SHISAL1: variants seen among roughly 807,000 people sequenced by gnomAD.
The protein encoded by SHISAL1 is protein shisa-like-1.
A neutral mutation model predicts 22.6 loss-of-function variants in SHISAL1; 9 were observed. The ratio of observed to expected loss-of-function variants is 0.40; its 90% confidence interval spans 0.24 to 0.70. The LOEUF (loss-of-function observed/expected upper bound fraction) is 0.70, where lower values mean the gene tolerates loss of function less well. Ranked by LOEUF, SHISAL1 falls within the 30% of genes least tolerant of loss-of-function variation. The pLI, the probability that SHISAL1 is intolerant of heterozygous loss-of-function variation, is 0.39. For synonymous variants in SHISAL1, 119 were observed against 115.4 expected, an observed-to-expected ratio of 1.03 and a Z score of -0.20; for missense variants, 246 against 270.6, an observed-to-expected ratio of 0.91 and a Z score of 0.64.
At chr22:44,258,085 A>G (rs2055097187) in intron 4 of SHISAL1, among the ~76,000 whole-genome samples, 1 of 152,142 alleles carries the variant, frequency 6.6e-6, no homozygotes, top group Non-Finnish European at 1.5e-5. Context: ...GGTTGCGGTG[A>G]GCTGAGATCA....
chr22:44,275,528 T>A (rs1165927072), intron 4 of SHISAL1, among the ~76,000 whole-genome samples: 1 of 152,180 alleles, frequency 6.6e-6, no homozygotes, highest in Non-Finnish European at 1.5e-5. Context: ...GGGTGAGGCC[T>A]ACCTTGCACA....
At chr22:44,285,309 A>G in intron 4 of SHISAL1, 119 bp downstream of exon 4, 4 of 1,121,448 alleles carry the variant, frequency 3.6e-6, no homozygotes, top group Non-Finnish European at 5.2e-6. Flanking sequence ...AAACAACAAG[A>G]TAAGCAAACA....
At chr22:44,263,283 C>G (rs560596969) in intron 4 of SHISAL1, among the ~76,000 whole-genome samples, 2 of 152,114 alleles carry the variant, frequency 1.3e-5, no homozygotes, top group East Asian at 3.9e-4. Context: ...GTTGGCTAGG[C>G]TGGTCTCGAA....
At chr22:44,254,279 A>G (rs1221588381) in intron 4 of SHISAL1, among the ~76,000 whole-genome samples, 2 of 152,252 alleles carry the variant, frequency 1.3e-5, no homozygotes, top group Non-Finnish European at 2.9e-5. Flanking sequence ...TACAGTAGCA[A>G]TAAGTAAATG....
rs990998295 is a variant in SHISAL1 at position 44,245,789 on chromosome 22, C to T, written c.*3896G>A. On this transcript the variant is annotated 3_prime_UTR_variant, in exon 5 of 5. Transcript: ENST00000381176. Reference sequence around the variant, plus strand: ...TCCTGGCCAAAGAAGCCTGTTAACCCCTAGCCCTGTCATGTTTTCCCTGAC... The same window carrying T: ...TCCTGGCCAAAGAAGCCTGTTAACCTCTAGCCCTGTCATGTTTTCCCTGAC... 6.6e-6 allele frequency: 1 copy of T among 152,274 alleles called. No homozygotes were observed. Among genetic ancestry groups the T allele is most frequent in the African/African-American group, 2.4e-5 (1 of 41,456 alleles). The allele number at this position is 152,274 out of a possible 1,614,324, so 9.4% of individuals were successfully genotyped here.
chr22:44,261,005 A>AG (rs1451542588), intron 4 of SHISAL1, among the ~76,000 whole-genome samples: 1 of 150,022 alleles, frequency 6.7e-6, no homozygotes, highest in Non-Finnish European at 1.5e-5. Context: ...GGGCATGCTG[A>AG]GGGCCTCTAT....
At chr22:44,311,267 A>G (rs1336370914) in intron 1 of SHISAL1, among the ~76,000 whole-genome samples, 1 of 152,208 alleles carries the variant, frequency 6.6e-6, no homozygotes, top group Non-Finnish European at 1.5e-5. Flanking sequence ...TCTCAGGGTC[A>G]GGGCCACGAG....
chr22:44,318,252 C>A, the SHISAL1 span, among the ~76,000 whole-genome samples: 6 of 152,258 alleles, frequency 3.9e-5, no homozygotes, highest in Non-Finnish European at 8.8e-5. Context: ...TGCTAAACTG[C>A]GTAGCATCGG....
chr22:44,258,756 C>A (rs1415264837), intron 4 of SHISAL1, among the ~76,000 whole-genome samples: 1 of 152,180 alleles, frequency 6.6e-6, no homozygotes. Flanking sequence ...AGAGGTCTTG[C>A]ACATATAATG....
chr22:44,296,682 A>G lies in SHISAL1; in HGVS notation c.271T>C (p.Tyr91His). 6.2e-7 allele frequency: 1 copy of G among 1,613,596 alleles called. No individual in the cohort carries two copies. The highest frequency in any genetic ancestry group is 2.2e-5 in the East Asian group (1 of 44,882). The change falls in exon 3 of 5, where the codon TAC becomes CAC. Residue 91 changes from tyrosine to histidine, a missense_variant. Physicochemically the swap from Tyr to His is moderately conservative, Grantham distance 83. Coordinates refer to ENST00000381176, the MANE Select transcript of SHISAL1 (RefSeq NM_001099294.2). Reference sequence around the variant, plus strand: ...CAGAGTGGCACTCACTTGTGCATGTAACCCTCGGAGCTGGCCGTGAGGTTC... The same window carrying G: ...CAGAGTGGCACTCACTTGTGCATGTGACCCTCGGAGCTGGCCGTGAGGTTC... ...QANLTASSEG[Y>H]MHNNYTALLG...
At chr22:44,327,458 C>T in the SHISAL1 span, among the ~76,000 whole-genome samples, 1 of 152,046 alleles carries the variant, frequency 6.6e-6, no homozygotes, top group Non-Finnish European at 1.5e-5. Context: ...GAGGAAGGGG[C>T]TCATGATAAC....
intron 3 of SHISAL1, among the ~76,000 whole-genome samples, chr22:44,288,790 T>A (rs1435163917): frequency 1.3e-5 from 2 of 152,220 alleles, no homozygotes; most frequent in Admixed American, 6.5e-5. Context: ...TTAGCCCAGA[T>A]ATCGCCTCCT....
intron 3 of SHISAL1, among the ~76,000 whole-genome samples, chr22:44,288,422 G>A (rs1269969833): frequency 6.6e-6 from 1 of 152,070 alleles, no homozygotes; most frequent in Non-Finnish European, 1.5e-5. Flanking sequence ...GGATCACAAG[G>A]TCAGGAGATC....
At chr22:44,291,103 C>T (rs999367086) in intron 3 of SHISAL1, among the ~76,000 whole-genome samples, 13 of 152,212 alleles carry the variant, frequency 8.5e-5, no homozygotes, top group African/African-American at 2.9e-4. Flanking sequence ...AGCAAAAATG[C>T]TGTGGCCACT....
At chr22:44,294,339 C>G (rs1237178796) in intron 3 of SHISAL1, among the ~76,000 whole-genome samples, 5 of 152,324 alleles carry the variant, frequency 3.3e-5, no homozygotes, top group South Asian at 2.1e-4. Flanking sequence ...AGACTTGGAA[C>G]AGGCGGCTTC....
At chr22:44,316,862 C>T (rs139872374), upstream of SHISAL1, among the ~76,000 whole-genome samples, 115 of 152,294 alleles carry the variant, frequency 7.6e-4, no homozygotes, top group East Asian at 0.02. Context: ...GATTATGGGG[C>T]GGGCAGGAGG....
chr22:44,245,681 C>T lies in SHISAL1; in HGVS notation c.*4004G>A, dbSNP rs2054993908. On this transcript the variant is annotated 3_prime_UTR_variant, in exon 5 of 5. Coordinates refer to ENST00000381176, the MANE Select transcript of SHISAL1 (RefSeq NM_001099294.2). ...CAGCGGCCTGTGGGGGAGTCAGTGC[C>T]AAGCACAGCCACACCCACAGCCCTG... is the stretch of plus-strand genomic sequence containing the variant. The T allele has an allele frequency of 6.6e-6, 1 of 152,220 alleles. No individual in the cohort carries two copies. Among genetic ancestry groups the T allele is most frequent in the African/African-American group, 2.4e-5 (1 of 41,438 alleles). The allele number at this position is 152,220 out of a possible 1,614,324, so 9.4% of individuals were successfully genotyped here.
intron 4 of SHISAL1, among the ~76,000 whole-genome samples, chr22:44,254,875 C>G (rs1444535513): frequency 6.6e-6 from 1 of 152,208 alleles, no homozygotes; most frequent in East Asian, 1.9e-4. Flanking sequence ...TTAGCCCCTT[C>G]CCAACAGGCT....
At chr22:44,323,288 CCT>C in the SHISAL1 span, among the ~76,000 whole-genome samples, 1 of 135,628 alleles carries the variant, frequency 7.4e-6, no homozygotes, top group African/African-American at 2.8e-5. Flanking sequence ...CATCCATCCA[CCT>C]CACCCACCCA....
Sources: allele counts gnomAD v4.1 joint callset (sites outside exome capture counted in the v4.1 genomes callset), GRCh38; gene constraint gnomAD v4.1.1; transcripts MANE v1.5; gene names NCBI Gene and HGNC (gene_info 2026-07-23, HGNC 2026-07-21).